ADAMTSL1: variants seen among roughly 807,000 people sequenced by gnomAD.
ADAMTSL1 encodes ADAMTS-like protein 1.
Under a neutral mutation model 201.8 loss-of-function variants are expected in ADAMTSL1, and 126 were observed. That is an observed-to-expected ratio of 0.62 (90% CI 0.54 to 0.72). The LOEUF (loss-of-function observed/expected upper bound fraction) is 0.72, where lower values mean the gene tolerates loss of function less well. Among genes scored for constraint, ADAMTSL1 ranks in the 30% least tolerant of loss-of-function variants. The pLI, the probability that ADAMTSL1 is intolerant of heterozygous loss-of-function variation, is 0.00. For missense variants in ADAMTSL1, 2,679 were observed against 2,277.8 expected (o/e 1.18, Z -3.59); for synonymous variants, 1,121 against 903.4 (o/e 1.24, Z -4.32).
chr9:18,482,837 T>C (rs1482984327), intron 1 of ADAMTSL1, among the ~76,000 whole-genome samples: 3 of 152,218 alleles, frequency 2.0e-5, no homozygotes. Flanking sequence ...AAGTGAGATT[T>C]GGTGGGAACG....
chr9:18,472,489 T>C (rs1231911939), upstream of ADAMTSL1, among the ~76,000 whole-genome samples: 1 of 152,240 alleles, frequency 6.6e-6, no homozygotes, highest in African/African-American at 2.4e-5. Context: ...ATAATCTTTG[T>C]ATGACCTTGA....
At chr9:18,482,657 T>C (rs373507074) in intron 1 of ADAMTSL1, among the ~76,000 whole-genome samples, 2 of 152,214 alleles carry the variant, frequency 1.3e-5, no homozygotes, top group African/African-American at 2.4e-5. Flanking sequence ...TTTGTTCCCA[T>C]AGTAAGGTAT....
At chr9:18,908,113 CT>C in intron 28 of ADAMTSL1, 1 of 354,782 alleles carries the variant, frequency 2.8e-6, no homozygotes, top group Non-Finnish European at 5.4e-6. Flanking sequence ...AGGTGATCAC[CT>C]AGGAGATGAG....
chr9:18,520,026 GA>G (rs886383061), intron 2 of ADAMTSL1, among the ~76,000 whole-genome samples: 19 of 150,560 alleles, frequency 1.3e-4, no homozygotes, highest in Admixed American at 2.0e-4. Context: ...TACTTGTTTG[GA>G]AAAAAAAATT....
At chr9:18,119,378 C>T (rs768658067) in intron 1 of ADAMTSL1, among the ~76,000 whole-genome samples, 6 of 151,888 alleles carry the variant, frequency 4.0e-5, no homozygotes, top group Middle Eastern at 3.2e-3. Context: ...CTGCAAACTC[C>T]GCCTCCCAGG....
At chr9:18,337,886 A>G (rs142015501) in intron 2 of ADAMTSL1, among the ~76,000 whole-genome samples, 48 of 152,206 alleles carry the variant, frequency 3.2e-4, no homozygotes, top group African/African-American at 1.2e-3. Flanking sequence ...AATCAGCCAA[A>G]CTTTCTCCCT....
At chr9:18,149,257 C>T (rs1043617130) in intron 1 of ADAMTSL1, among the ~76,000 whole-genome samples, 4 of 151,704 alleles carry the variant, frequency 2.6e-5, no homozygotes, top group South Asian at 2.1e-4. Flanking sequence ...TAGGTGGGCA[C>T]GCAAGTCAGA....
chr9:18,892,295 T>C, intron 25 of ADAMTSL1, 94 bp from the exon 26 acceptor site: 1 of 1,294,720 alleles, frequency 7.7e-7, no homozygotes, highest in Non-Finnish European at 1.1e-6. Context: ...GGCCCCAAAT[T>C]AGTGGCAAGA....
At chr9:18,404,552 G>A (rs1437691205) in intron 2 of ADAMTSL1, among the ~76,000 whole-genome samples, 4 of 152,202 alleles carry the variant, frequency 2.6e-5, no homozygotes, top group Admixed American at 1.3e-4. Context: ...ATGGCCCAAT[G>A]ATGAATTCAC....
intron 24 of ADAMTSL1, among the ~76,000 whole-genome samples, chr9:18,888,354 T>C (rs1394161990): frequency 6.6e-6 from 1 of 152,224 alleles, no homozygotes; most frequent in East Asian, 1.9e-4. Context: ...CAGATGTGAT[T>C]CTTTTATGCT....
intron 2 of ADAMTSL1, among the ~76,000 whole-genome samples, chr9:18,300,006 A>T (rs970321101): frequency 6.6e-6 from 1 of 152,188 alleles, no homozygotes; most frequent in Non-Finnish European, 1.5e-5. Context: ...CTTTTACACT[A>T]TTGGTGGGAG....
At chr9:18,253,194 C>G (rs534857719) in intron 2 of ADAMTSL1, among the ~76,000 whole-genome samples, 2 of 152,168 alleles carry the variant, frequency 1.3e-5, no homozygotes, top group Admixed American at 6.5e-5. Context: ...TGAAACCTTA[C>G]CTATGTCTAT....
At chr9:18,825,371 G>A (rs574161428) in intron 21 of ADAMTSL1, among the ~76,000 whole-genome samples, 1 of 152,280 alleles carries the variant, frequency 6.6e-6, no homozygotes, top group Admixed American at 6.5e-5. Flanking sequence ...AATAAACTTG[G>A]ATTGTGGAAA....
chr9:18,897,455 G>A (rs904906677), intron 26 of ADAMTSL1, among the ~76,000 whole-genome samples: 1 of 152,136 alleles, frequency 6.6e-6, no homozygotes, highest in Admixed American at 6.5e-5. Context: ...ACCTCCTACA[G>A]GAGCATCTGG....
intron 1 of ADAMTSL1, among the ~76,000 whole-genome samples, chr9:18,498,604 C>G (rs578157689): frequency 3.5e-4 from 53 of 152,316 alleles, no homozygotes; most frequent in African/African-American, 1.3e-3. Flanking sequence ...TCCCAAAGTG[C>G]TGGCATGAGC....
At chr9:18,256,365 A>T (rs1007434995) in intron 2 of ADAMTSL1, among the ~76,000 whole-genome samples, 13 of 152,076 alleles carry the variant, frequency 8.5e-5, no homozygotes, top group African/African-American at 2.9e-4. Context: ...AGACCCTTGA[A>T]CTCCTGACAG....
intron 4 of ADAMTSL1, among the ~76,000 whole-genome samples, chr9:18,591,318 A>G (rs1179686256): frequency 6.6e-6 from 1 of 152,104 alleles, no homozygotes; most frequent in Non-Finnish European, 1.5e-5. Context: ...TCTCTTTTAT[A>G]TGATGTAAGT....
chr9:18,461,869 C>T (rs941185299), intron 2 of ADAMTSL1, among the ~76,000 whole-genome samples: 3 of 152,068 alleles, frequency 2.0e-5, no homozygotes, highest in African/African-American at 4.8e-5. Flanking sequence ...TTCCAGGACA[C>T]GCCCCCTCCA....
At chr9:18,426,599 G>C (rs956314570) in intron 2 of ADAMTSL1, among the ~76,000 whole-genome samples, 1 of 152,060 alleles carries the variant, frequency 6.6e-6, no homozygotes, top group African/African-American at 2.4e-5. Context: ...TGCTTGTGAG[G>C]TAATGACATC....
Sources: gnomAD v4.1 joint callset for allele counts (sites outside exome capture counted in the v4.1 genomes callset) on GRCh38, gnomAD v4.1.1 for gene constraint, MANE v1.5 for transcripts, NCBI Gene and HGNC (gene_info 2026-07-23, HGNC 2026-07-21) for gene names.